Variants in SYN3 observed in about 807,000 individuals in gnomAD.
The protein encoded by SYN3 is synapsin III.
SYN3 carries 35 observed loss-of-function variants against 65.8 expected under a neutral mutation model. The ratio of observed to expected loss-of-function variants is 0.53; its 90% CI spans 0.41 to 0.70. The LOEUF is 0.70. SYN3 is among the 30% of genes least tolerant of loss of function. The pLI, the probability that SYN3 is intolerant of heterozygous loss-of-function variation, is 0.00. For synonymous variants in SYN3, 270 were observed against 292.9 expected (o/e 0.92, Z 0.80); for missense variants, 680 against 749.0 (o/e 0.91, Z 1.08).
intron 6 of SYN3, among the ~76,000 whole-genome samples, chr22:32,811,665 C>T (rs753532005): frequency 1.2e-4 from 19 of 152,154 alleles, no homozygotes; most frequent in Non-Finnish European, 2.5e-4. Flanking sequence ...ATGACAACTT[C>T]GCAACGAGGA....
intron 3 of SYN3, among the ~76,000 whole-genome samples, chr22:32,946,997 T>C (rs1421013528): frequency 1.3e-5 from 2 of 152,202 alleles, no homozygotes; most frequent in African/African-American, 4.8e-5. Flanking sequence ...CTGGACTATC[T>C]GAGCTTTTCT....
chr22:32,770,681 A>T (rs1199590714), intron 6 of SYN3, among the ~76,000 whole-genome samples: 2 of 152,114 alleles, frequency 1.3e-5, no homozygotes, highest in Non-Finnish European at 2.9e-5. Flanking sequence ...GGTTCCTGAC[A>T]TTCCATATTC....
At chr22:32,766,556 T>A (rs2045633632) in intron 6 of SYN3, among the ~76,000 whole-genome samples, 1 of 152,204 alleles carries the variant, frequency 6.6e-6, no homozygotes, top group Non-Finnish European at 1.5e-5. Flanking sequence ...CAGAAGGCCA[T>A]ACCTATTGCA....
chr22:32,976,523 G>A (rs1166882977), intron 3 of SYN3, among the ~76,000 whole-genome samples: 2 of 152,114 alleles, frequency 1.3e-5, no homozygotes, highest in Non-Finnish European at 2.9e-5. Flanking sequence ...TCACTGCTTG[G>A]TCCCACAGAG....
intron 1 of SYN3, among the ~76,000 whole-genome samples, chr22:33,017,044 T>C (rs984021524): frequency 3.3e-5 from 5 of 152,218 alleles, no homozygotes; most frequent in African/African-American, 4.8e-5. Flanking sequence ...GTTTCAGGTC[T>C]TATATTTAAG....
intron 3 of SYN3, among the ~76,000 whole-genome samples, chr22:32,969,807 T>G (rs1435259906): frequency 6.6e-6 from 1 of 152,204 alleles, no homozygotes; most frequent in African/African-American, 2.4e-5. Flanking sequence ...AAACATTCAT[T>G]GCATTTTTTC....
chr22:32,725,993 T>C (rs866879765), intron 6 of SYN3, among the ~76,000 whole-genome samples: 1 of 152,184 alleles, frequency 6.6e-6, no homozygotes, highest in Non-Finnish European at 1.5e-5. Context: ...GGCTCCTTCC[T>C]GGTACATGCC....
intron 10 of SYN3, among the ~76,000 whole-genome samples, chr22:32,531,466 G>T (rs2058070139): frequency 1.3e-5 from 2 of 152,260 alleles, no homozygotes; most frequent in Middle Eastern, 3.4e-3. Context: ...AATCCCCACG[G>T]TAGAGACAGC....
intron 6 of SYN3, among the ~76,000 whole-genome samples, chr22:32,841,670 A>C (rs977970171): frequency 1.1e-4 from 12 of 112,782 alleles, no homozygotes; most frequent in Non-Finnish European, 1.6e-4. Flanking sequence ...AACAACATAC[A>C]CTGGGGCCTG....
chr22:32,642,212 C>T lies in SYN3; in HGVS notation c.712-45476G>A, dbSNP rs2059911022. ...GCTGAGGCAGGAGAATCGCTTGAAC[C>T]TGGGAGACGGAGGTTGCAGTGAGCC... On this transcript the variant is annotated intron_variant, in intron 6 of 13. Transcript: ENST00000358763. Among the ~76,000 whole-genome samples the T allele has an allele frequency of 2.0e-5, 3 of 151,740 alleles. No individual in the cohort carries two copies. The South Asian group carries it at 6.3e-4, about 32-fold the overall frequency.
intron 6 of SYN3, among the ~76,000 whole-genome samples, chr22:32,640,868 G>GA (rs548787333): frequency 2.8e-4 from 41 of 147,354 alleles, no homozygotes; most frequent in Admixed American, 1.3e-3. Flanking sequence ...CTCTGTCTCG[G>GA]AAAAAAAAAA....
chr22:32,906,778 T>C (rs1268069568), intron 4 of SYN3, among the ~76,000 whole-genome samples: 1 of 152,118 alleles, frequency 6.6e-6, no homozygotes, highest in Non-Finnish European at 1.5e-5. Context: ...TCTTCCTGTG[T>C]TAGTTTGCTG....
chr22:32,807,314 A>C (rs5994634), intron 6 of SYN3, among the ~76,000 whole-genome samples: 1 of 112,476 alleles, frequency 8.9e-6, no homozygotes, highest in Non-Finnish European at 1.7e-5. Flanking sequence ...ATAAATATAT[A>C]ATATATAAAT....
chr22:33,045,063 G>A (rs1018279385), intron 1 of SYN3, among the ~76,000 whole-genome samples: 1 of 152,070 alleles, frequency 6.6e-6, no homozygotes, highest in African/African-American at 2.4e-5. Flanking sequence ...GGCTGTTCTC[G>A]AACTCCCAAC....
chr22:33,005,252 G>A (rs1363806744), intron 2 of SYN3, among the ~76,000 whole-genome samples: 1 of 152,092 alleles, frequency 6.6e-6, no homozygotes, highest in Non-Finnish European at 1.5e-5. Flanking sequence ...ATGCACATGC[G>A]ACCCTGTTCT....
At chr22:32,666,991 G>T (rs1283674921) in intron 6 of SYN3, among the ~76,000 whole-genome samples, 1 of 152,132 alleles carries the variant, frequency 6.6e-6, no homozygotes, top group Non-Finnish European at 1.5e-5. Flanking sequence ...ATCCTTCAAG[G>T]TCTGGTTGAA....
chr22:33,040,354 G>A (rs1241937554), intron 1 of SYN3, among the ~76,000 whole-genome samples: 3 of 152,076 alleles, frequency 2.0e-5, no homozygotes, highest in Non-Finnish European at 4.4e-5. Context: ...GAATGAAAGG[G>A]ATGCTTTGAC....
intron 6 of SYN3, among the ~76,000 whole-genome samples, chr22:32,741,346 A>C (rs2061402352): frequency 7.3e-6 from 1 of 137,322 alleles, no homozygotes; most frequent in Non-Finnish European, 1.6e-5. Flanking sequence ...TCTAGAGCCC[A>C]ATTTTTTTTT....
rs1176447301 is a variant in SYN3, at chr22:32,802,424, C to T, written c.711+62491G>A. Among the ~76,000 whole-genome samples the T allele has an allele frequency of 9.2e-5, 14 of 151,760 alleles. No homozygotes were observed. In the South Asian group the frequency reaches 2.7e-3, roughly 29 times the overall value. ...ATCTGGAAAATGTCCCCATTCACTA[C>T]TAACGGAGGAAGGGCTAGAAGAGAA... On this transcript the variant is annotated intron_variant, in intron 6 of 13. Coordinates refer to ENST00000358763, the MANE Select transcript of SYN3 (RefSeq NM_003490.4).
Sources: gnomAD v4.1 joint callset for allele counts (sites outside exome capture counted in the v4.1 genomes callset) on GRCh38, gnomAD v4.1.1 for gene constraint, MANE v1.5 for transcripts, NCBI Gene and HGNC (gene_info 2026-07-23, HGNC 2026-07-21) for gene names.